Variants in SMC1A observed in about 807,000 individuals in gnomAD.
SMC1A encodes structural maintenance of chromosomes protein 1A.
In SMC1A, 4 loss-of-function variants were observed where a neutral mutation model predicts 94.5. The observed-to-expected ratio is 0.04, with a 90% CI of 0.02 to 0.10. The LOEUF (loss-of-function observed/expected upper bound fraction) is 0.10, where lower values mean the gene tolerates loss of function less well. Among genes scored for constraint, SMC1A ranks in the 10% least tolerant of loss-of-function variants. SMC1A has a pLI of 1.00. For missense variants in SMC1A, 304 were observed against 989.0 expected (o/e 0.31, Z 9.29); for synonymous variants, 345 against 347.7 (o/e 0.99, Z 0.09).
At chrX:53,388,857 C>T (rs993023254) in intron 19 of SMC1A, among the ~76,000 whole-genome samples, 2 of 107,202 alleles carry the variant, frequency 1.9e-5, no homozygotes, top group Admixed American at 2.0e-4. Context: ...ATTAGCCGGG[C>T]GTGGTGGCGG....
Position 53,394,902 on chromosome X carries a change from GGA to G in SMC1A, c.2863-16_2863-15del, listed in dbSNP as rs782379040. 1 of 1,039,464 alleles carries G rather than the reference GGA, an allele frequency of 9.6e-7. No homozygotes were observed. Among genetic ancestry groups the G allele is most frequent in the East Asian group, 3.0e-5 (1 of 33,142 alleles). The allele number at this position is 1,039,464 out of a possible 1,213,427, so 85.7% of individuals were successfully genotyped here. Reference sequence around the variant, plus strand: ...CTGGGAGCTACCCTGCAATGGCAACGGAGAGTCAAGTGGAGCAGACTGGCCAT... The same window carrying G: ...CTGGGAGCTACCCTGCAATGGCAACGGAGTCAAGTGGAGCAGACTGGCCAT... On this transcript the variant is annotated splice_polypyrimidine_tract_variant and intron_variant, in intron 18 of 24. Coordinates refer to ENST00000322213, the MANE Select transcript of SMC1A (RefSeq NM_006306.4).
At chrX:53,421,829 T>C in intron 1 of SMC1A, 2 of 1,085,837 alleles carry the variant, frequency 1.8e-6, no homozygotes, top group African/African-American at 3.7e-5. Context: ...ACAAATTTGG[T>C]AAATTAGTTA....
At chrX:53,418,450 ATT>A (rs2075740798) in intron 1 of SMC1A, among the ~76,000 whole-genome samples, 1 of 111,751 alleles carries the variant, frequency 8.9e-6, no homozygotes, top group Non-Finnish European at 1.9e-5. Flanking sequence ...TCATTTATTT[ATT>A]GAGACAGGGT....
Position 53,403,583 on chromosome X carries a change from A to G in SMC1A, c.2403T>C (p.Asn801=). ...EFEEEKVKRQ[N]EIAKKRLEFE... ...CCACCTACCGCTTCTTGGCGATTTC[A>G]TTCTGCCGTTTCACCTTTTCTTCCT... is the stretch of plus-strand genomic sequence containing the variant. The change falls in exon 15 of 25, where the codon AAT becomes AAC. Residue 801 remains asparagine, a synonymous_variant. Transcript: ENST00000322213. 1 of 1,204,174 alleles carries G rather than the reference A, an allele frequency of 8.3e-7. No homozygotes were observed. Among genetic ancestry groups the G allele is most frequent in the South Asian group, 1.8e-5 (1 of 55,794 alleles).
At position 53,411,842 on chromosome X, in the gene SMC1A, C is replaced by T. The variant is rs147952638; in HGVS notation, c.1173G>A (p.Gln391=). The T allele has an allele frequency of 2.0e-4, 246 of 1,209,516 alleles. 1 individual carries two copies. The East Asian group carries it at 5.4e-3, about 27-fold the overall frequency. The change falls in exon 7 of 25, where the codon CAG becomes CAA. Residue 391 remains glutamine (Q), a synonymous_variant. Transcript: ENST00000322213. ...EASKRAATLA[Q]ELEKFNRDQK... is the part of the protein sequence containing the mutation. ...GGTCTCGATTGAATTTCTCCAGCTCCTGGGCCAGGGTAGCTGCTCTCTTGC... is the reference window on the plus strand; with the variant it reads ...GGTCTCGATTGAATTTCTCCAGCTCTTGGGCCAGGGTAGCTGCTCTCTTGC...
At position 53,394,868 on chromosome X, in the gene SMC1A, G is replaced by A; in HGVS notation, c.2883C>T (p.Asp961=). 1 of 1,196,367 alleles carries A rather than the reference G, an allele frequency of 8.4e-7. No homozygotes were observed. Among genetic ancestry groups the A allele is most frequent in the Non-Finnish European group, 1.1e-6 (1 of 881,761 alleles). The stretch of plus-strand genomic sequence containing the variant: ...AAATTCTCTGTGAACCACTCACTGA[G>A]TCCTCCCCCTGGGAGCTACCCTGCA... The part of the protein sequence containing the change: ...SQEEGSSQGE[D]SVSGSQRISS... Residue 961 remains aspartate (D), a synonymous_variant, in exon 19 of 25, where the codon GAC becomes GAT. Transcript: ENST00000322213.
At chrX:53,385,256 G>T (rs1173837772) in intron 19 of SMC1A, among the ~76,000 whole-genome samples, 2 of 88,425 alleles carry the variant, frequency 2.3e-5, no homozygotes, top group Non-Finnish European at 2.2e-5. Context: ...TCCAGAATAG[G>T]TTTTTTTTTT....
intron 19 of SMC1A, among the ~76,000 whole-genome samples, chrX:53,391,004 G>GAAAAAAA (rs1175710151): frequency 9.3e-5 from 5 of 53,999 alleles, no homozygotes; most frequent in Non-Finnish European, 1.0e-4. Flanking sequence ...AAAAGAAAAA[G>GAAAAAAA]AAAAAAAAAA....
chrX:53,422,713 G>A (rs2075766180), upstream of SMC1A: 1 of 542,529 alleles, frequency 1.8e-6, no homozygotes. Flanking sequence ...AATGTCGCGA[G>A]AATACGTCCA....
At position 53,403,801 on chromosome X, in the gene SMC1A, T is replaced by C. The variant is rs1556889260; in HGVS notation, c.2289A>G (p.Lys763=). 1 of 1,209,265 alleles carries C rather than the reference T, an allele frequency of 8.3e-7. No individual in the cohort carries two copies. The highest frequency in any genetic ancestry group is 1.1e-6 in the Non-Finnish European group (1 of 893,463). The change falls in exon 14 of 25, where the codon AAA becomes AAG. Residue 763 remains lysine (K), a synonymous_variant. Coordinates refer to ENST00000322213, the MANE Select transcript of SMC1A (RefSeq NM_006306.4). ...RIIQSREREM[K]DLKEKMNQVE... ...CCTGGTTCATCTTCTCCTTCAAGTCTTTCATTTCCCTCTCTCGGCTCTGAA... is the reference window on the plus strand; with the variant it reads ...CCTGGTTCATCTTCTCCTTCAAGTCCTTCATTTCCCTCTCTCGGCTCTGAA...
At chrX:53,409,878 G>T (rs1556890265) in intron 7 of SMC1A, among the ~76,000 whole-genome samples, 1 of 111,931 alleles carries the variant, frequency 8.9e-6, no homozygotes, top group East Asian at 2.8e-4. Flanking sequence ...ATATAGGGTT[G>T]TTATTAATAT....
intron 20 of SMC1A, 44 bp from the exon 21 acceptor site, chrX:53,382,704 A>G (rs782274408): frequency 8.4e-7 from 1 of 1,194,342 alleles, no homozygotes; most frequent in Non-Finnish European, 1.1e-6. Flanking sequence ...CCCTGGCAAG[A>G]AGGACCTGCA....
At position 53,422,626 on chromosome X, in the gene SMC1A, G is replaced by A. The variant is rs781897712; in HGVS notation, c.-26C>T. ...GACGGCCGCGGCGCCGGCGGCAGTA[G>A]GACAGGCCGCGCCGTACGCCCGAGA... On this transcript the variant is annotated 5_prime_UTR_variant, in exon 1 of 25. Coordinates refer to ENST00000322213, the MANE Select transcript of SMC1A (RefSeq NM_006306.4). 14 of 1,018,363 alleles carry A rather than the reference G, an allele frequency of 1.4e-5. No individual in the cohort carries two copies. Among genetic ancestry groups the A allele is most frequent in the Admixed American group, 8.8e-5 (4 of 45,667 alleles). The allele number at this position is 1,018,363 out of a possible 1,213,427, so 83.9% of individuals were successfully genotyped here. A position where few individuals can be genotyped will look rare whatever the true frequency, so the allele number is the denominator to read the frequency against.
chrX:53,383,916 G>A lies in SMC1A; in HGVS notation c.2974-663C>T, dbSNP rs782605387. On this transcript the variant is annotated intron_variant, in intron 19 of 24. Coordinates refer to ENST00000322213, the MANE Select transcript of SMC1A (RefSeq NM_006306.4). ...AACCAGAATACTGTAGGATGAATGT[G>A]AAAACAATGATAAGCAGGCAGTGTT... Among the ~76,000 whole-genome samples, 3 of 111,869 alleles carry A rather than the reference G, an allele frequency of 2.7e-5. No homozygotes were observed. The South Asian group carries it at 1.1e-3, about 42-fold the overall frequency.
chrX:53,411,022 G>C (rs954058770), intron 7 of SMC1A, among the ~76,000 whole-genome samples: 15 of 105,566 alleles, frequency 1.4e-4, no homozygotes, highest in African/African-American at 5.2e-4. Context: ...TTAAGCCTGG[G>C]AAGTCGAAGC....
chrX:53,419,952 C>G (rs1230245645), intron 1 of SMC1A, among the ~76,000 whole-genome samples: 3 of 110,951 alleles, frequency 2.7e-5, no homozygotes, highest in African/African-American at 9.8e-5. Context: ...AAAAAGCTTG[C>G]AAACTTGGGC....
At chrX:53,412,472 CAAAGCT>C (rs2075716363) in intron 5 of SMC1A, among the ~76,000 whole-genome samples, 1 of 112,442 alleles carries the variant, frequency 8.9e-6, no homozygotes, top group South Asian at 3.7e-4. Context: ...CTCCATAAGG[CAAAGCT>C]ACCAACTCTG....
At chrX:53,421,525 A>G (rs1275287101) in intron 1 of SMC1A, among the ~76,000 whole-genome samples, 1 of 111,847 alleles carries the variant, frequency 8.9e-6, no homozygotes, top group Non-Finnish European at 1.9e-5. Context: ...CAGGATTCCA[A>G]ATGGACATCT....
chrX:53,392,018 C>A (rs782017492), intron 19 of SMC1A, among the ~76,000 whole-genome samples: 2 of 110,285 alleles, frequency 1.8e-5, no homozygotes, highest in African/African-American at 6.6e-5. Flanking sequence ...AAAATATCTA[C>A]CCTCTCAATG....
Sources: allele counts gnomAD v4.1 joint callset (sites outside exome capture counted in the v4.1 genomes callset), GRCh38; gene constraint gnomAD v4.1.1; transcripts MANE v1.5; gene names NCBI Gene and HGNC (gene_info 2026-07-23, HGNC 2026-07-21).